The following SFMBT2 variants were observed in gnomAD, a reference collection of about 807,000 sequenced individuals.
SFMBT2 encodes Scm like with four mbt domains 2.
SFMBT2 carries 38 observed loss-of-function variants against 110.1 expected under a neutral mutation model. That is an observed-to-expected ratio of 0.35 (90% CI 0.27 to 0.45). The LOEUF is 0.45. Ranked by LOEUF, SFMBT2 falls within the 20% of genes least tolerant of loss-of-function variation. SFMBT2 has a pLI of 1.00. For missense variants in SFMBT2, 1,011 were observed against 1,094.9 expected (o/e 0.92, Z 1.08); for synonymous variants, 425 against 425.4 (o/e 1.00, Z 0.01).
chr10:7,289,457 G>A lies in SFMBT2; in HGVS notation c.437-3503C>T, dbSNP rs114457240. Among the ~76,000 whole-genome samples, 650 of 152,224 alleles carry A rather than the reference G, an allele frequency of 4.3e-3. 4 individuals are homozygous for A. Among genetic ancestry groups the A allele is most frequent in the African/African-American group, 0.015 (609 of 41,522 alleles). On this transcript the variant is annotated intron_variant, in intron 4 of 20. Coordinates refer to ENST00000397167, the MANE Select transcript of SFMBT2 (RefSeq NM_001387889.1). ...GTCATAGCAAGGGAGCTCTAGGGAC[G>A]GCTCTGACATTTACATCTTGCGAGC...
chr10:7,292,465 T>C (rs1588423922), intron 4 of SFMBT2, among the ~76,000 whole-genome samples: 2 of 152,312 alleles, frequency 1.3e-5, no homozygotes, highest in Admixed American at 1.3e-4. Flanking sequence ...GATTGACAAG[T>C]TCCTAGTGCT....
intron 4 of SFMBT2, among the ~76,000 whole-genome samples, chr10:7,290,710 G>A (rs565350072): frequency 6.6e-6 from 1 of 151,898 alleles, no homozygotes; most frequent in East Asian, 1.9e-4. Context: ...GGTAGTGGGT[G>A]GCTGTAGTCC....
chr10:7,262,715 A>G (rs985948709), intron 7 of SFMBT2, among the ~76,000 whole-genome samples: 13 of 152,228 alleles, frequency 8.5e-5, no homozygotes, highest in African/African-American at 2.9e-4. Flanking sequence ...TGCGATGGCG[A>G]ACTCTGTATA....
intron 7 of SFMBT2, among the ~76,000 whole-genome samples, chr10:7,272,068 G>A (rs1017970289): frequency 2.0e-5 from 3 of 152,122 alleles, no homozygotes; most frequent in African/African-American, 4.8e-5. Context: ...GGAGGGGCAC[G>A]GAAGGAGACA....
chr10:7,403,505 G>C (rs1029843873), intron 1 of SFMBT2, among the ~76,000 whole-genome samples: 41 of 152,198 alleles, frequency 2.7e-4, no homozygotes, highest in African/African-American at 9.2e-4. Flanking sequence ...AGCTGGGTGT[G>C]GTGGTGTGCG....
rs150515457 is a variant in SFMBT2, at chr10:7,368,653, G to C, written c.196-764C>G. Among the ~76,000 whole-genome samples the C allele has an allele frequency of 2.2e-3, 332 of 152,304 alleles. 1 individual carries two copies. The highest frequency in any genetic ancestry group is 7.8e-3 in the African/African-American group (326 of 41,556). On this transcript the variant is annotated intron_variant, in intron 3 of 20. Coordinates refer to ENST00000397167, the MANE Select transcript of SFMBT2 (RefSeq NM_001387889.1). ...AGGATTGACTGAATCAAAGAAAATA[G>C]GAGTGACTCCATACAGAGAGAAATT...
chr10:7,221,592 T>G (rs1839741196), intron 10 of SFMBT2, among the ~76,000 whole-genome samples: 1 of 152,034 alleles, frequency 6.6e-6, no homozygotes, highest in African/African-American at 2.4e-5. Flanking sequence ...AAAAAAGATT[T>G]TTTCATAATA....
chr10:7,385,803 T>G (rs1047266151), intron 1 of SFMBT2, among the ~76,000 whole-genome samples: 4 of 151,910 alleles, frequency 2.6e-5, no homozygotes, highest in East Asian at 1.9e-4. Context: ...ATCAAGACCA[T>G]CCTGGCTAAC....
intron 7 of SFMBT2, among the ~76,000 whole-genome samples, chr10:7,253,794 A>T (rs962484075): frequency 7.0e-6 from 1 of 141,964 alleles, no homozygotes; most frequent in Non-Finnish European, 1.5e-5. Context: ...CCTAACTTTC[A>T]CTTTCTGAAA....
intron 10 of SFMBT2, among the ~76,000 whole-genome samples, chr10:7,224,054 G>A (rs1342901800): frequency 1.3e-5 from 2 of 152,154 alleles, no homozygotes; most frequent in Non-Finnish European, 2.9e-5. Context: ...TTGATAATGA[G>A]GCGATTTTCC....
chr10:7,334,748 G>A (rs1843665883), intron 4 of SFMBT2, among the ~76,000 whole-genome samples: 1 of 152,190 alleles, frequency 6.6e-6, no homozygotes, highest in Admixed American at 6.5e-5. Context: ...GTTTCCCACT[G>A]TCTGCAATTG....
intron 4 of SFMBT2, among the ~76,000 whole-genome samples, chr10:7,338,705 G>A (rs956627169): frequency 7.2e-5 from 11 of 152,116 alleles, no homozygotes; most frequent in African/African-American, 2.7e-4. Context: ...AATGACTCAC[G>A]TAGTTCAAAC....
chr10:7,402,897 T>C (rs952897274), intron 1 of SFMBT2, among the ~76,000 whole-genome samples: 4 of 152,260 alleles, frequency 2.6e-5, no homozygotes, highest in Admixed American at 1.3e-4. Flanking sequence ...TCTAGCTCTC[T>C]TCCCCCAGCT....
intron 4 of SFMBT2, among the ~76,000 whole-genome samples, chr10:7,308,742 C>T (rs900590880): frequency 2.0e-5 from 3 of 152,088 alleles, no homozygotes; most frequent in African/African-American, 7.2e-5. Flanking sequence ...GGGAAGCTAC[C>T]GGGAAAGTGG....
chr10:7,247,067 A>G (rs1840639630), intron 8 of SFMBT2, among the ~76,000 whole-genome samples: 2 of 152,156 alleles, frequency 1.3e-5, no homozygotes, highest in Non-Finnish European at 2.9e-5. Context: ...AAAAGCCAAT[A>G]TATTTTTCTT....
At chr10:7,310,405 T>G (rs1263268209) in intron 4 of SFMBT2, among the ~76,000 whole-genome samples, 1 of 152,254 alleles carries the variant, frequency 6.6e-6, no homozygotes, top group Non-Finnish European at 1.5e-5. Flanking sequence ...CCAAGGCACT[T>G]ACCTTCCTGA....
chr10:7,315,087 A>G (rs1201856772), intron 4 of SFMBT2, among the ~76,000 whole-genome samples: 3 of 146,364 alleles, frequency 2.0e-5, no homozygotes, highest in Non-Finnish European at 4.6e-5. Context: ...AAAGAAAGAA[A>G]GAAAGAAAGA....
At chr10:7,211,273 T>G (rs898568509) in intron 11 of SFMBT2, among the ~76,000 whole-genome samples, 1 of 152,124 alleles carries the variant, frequency 6.6e-6, no homozygotes, top group Non-Finnish European at 1.5e-5. Flanking sequence ...ATGTAGTAGC[T>G]GTTGCCTGCT....
At chr10:7,332,553 A>G (rs553674451) in intron 4 of SFMBT2, among the ~76,000 whole-genome samples, 1 of 152,330 alleles carries the variant, frequency 6.6e-6, no homozygotes, top group African/African-American at 2.4e-5. Flanking sequence ...TGTTTGAGAA[A>G]TTTTTACAAT....
Sources: allele counts gnomAD v4.1 joint callset (sites outside exome capture counted in the v4.1 genomes callset), GRCh38; gene constraint gnomAD v4.1.1; transcripts MANE v1.5; gene names NCBI Gene and HGNC (gene_info 2026-07-23, HGNC 2026-07-21).